Variants in ZNF430 observed in about 807,000 individuals in gnomAD.
ZNF430 encodes the protein zinc finger protein 430.
ZNF430 carries 35 observed loss-of-function variants against 56.7 expected under a neutral mutation model. The observed-to-expected ratio is 0.62, with a 90% CI of 0.47 to 0.82. The LOEUF is 0.82. ZNF430 is among the 40% of genes least tolerant of loss of function. The pLI is 0.00. For synonymous variants in ZNF430, 212 were observed against 224.3 expected (o/e 0.94, Z 0.49); for missense variants, 574 against 661.0 (o/e 0.87, Z 1.44).
chr19:21,031,815 T>C (rs977221727), intron 2 of ZNF430, among the ~76,000 whole-genome samples: 4 of 152,202 alleles, frequency 2.6e-5, no homozygotes, highest in African/African-American at 9.7e-5. Flanking sequence ...GCCATGTGTT[T>C]AGTACTTGCA....
intron 2 of ZNF430, among the ~76,000 whole-genome samples, chr19:21,028,931 AC>A (rs375452481): frequency 0.024 from 3,703 of 151,442 alleles, 76 homozygotes; most frequent in Middle Eastern, 0.079. Flanking sequence ...TGATCCGCCC[AC>A]CTCAGCCTCC....
At chr19:21,034,250 T>A in intron 4 of ZNF430, 66 bp downstream of exon 4, 6 of 1,152,144 alleles carry the variant, frequency 5.2e-6, no homozygotes, top group Non-Finnish European at 7.3e-6. Flanking sequence ...AGCCAATGCT[T>A]AAAATGTTAT....
chr19:21,041,538 T>C (rs1968102537), intron 4 of ZNF430, among the ~76,000 whole-genome samples: 1 of 152,228 alleles, frequency 6.6e-6, no homozygotes. Context: ...GGGATACATG[T>C]ACAGGATTTA....
At chr19:21,039,543 T>G in intron 4 of ZNF430, among the ~76,000 whole-genome samples, 1 of 151,766 alleles carries the variant, frequency 6.6e-6, no homozygotes, top group East Asian at 1.9e-4. Context: ...CTTGGCTCAC[T>G]GCAAACTCCG....
chr19:21,057,286 T>C lies in ZNF430; in HGVS notation c.978T>C (p.Phe326=). ...PYRCEECGRA[F]NRSSHLTTHK... ...GATGTGAAGAATGTGGCAGAGCTTT[T>C]AACCGGTCCTCACACCTTACTACAC... The change falls in exon 5 of 5, where the codon TTT becomes TTC. Residue 326 remains phenylalanine, a synonymous_variant. Coordinates refer to ENST00000261560, the MANE Select transcript of ZNF430 (RefSeq NM_025189.4). 1 of 1,613,230 alleles carries C rather than the reference T, an allele frequency of 6.2e-7. No homozygotes were observed. Among genetic ancestry groups the C allele is most frequent in the Non-Finnish European group, 8.5e-7 (1 of 1,179,862 alleles).
At chr19:21,041,322 C>T (rs556241654) in intron 4 of ZNF430, among the ~76,000 whole-genome samples, 10 of 152,098 alleles carry the variant, frequency 6.6e-5, no homozygotes, top group African/African-American at 2.4e-4. Flanking sequence ...TTTGTAGGGA[C>T]AGAATTTTGC....
rs756184790 is a variant in ZNF430, at chr19:21,059,946, G to A, written c.*1925G>A. The A allele has an allele frequency of 9.9e-5, 15 of 151,954 alleles. No individual in the cohort carries two copies. The highest frequency in any genetic ancestry group is 5.8e-4 in the East Asian group (3 of 5,182). The allele number at this position is 151,954 out of a possible 1,614,324, so 9.4% of individuals were successfully genotyped here. On this transcript the variant is annotated 3_prime_UTR_variant, in exon 5 of 5. Transcript: ENST00000261560. Reference sequence around the variant, plus strand: ...GTAGGTGTTCAGAGTAATATTTTGCGTTGTGAGAACATTTTTAATTTTATT... The same window carrying A: ...GTAGGTGTTCAGAGTAATATTTTGCATTGTGAGAACATTTTTAATTTTATT...
At chr19:21,050,260 A>G (rs903201993) in intron 4 of ZNF430, among the ~76,000 whole-genome samples, 21 of 151,710 alleles carry the variant, frequency 1.4e-4, no homozygotes, top group African/African-American at 5.1e-4. Flanking sequence ...TACATTCCAT[A>G]TTTTTCTTTT....
intron 2 of ZNF430, among the ~76,000 whole-genome samples, chr19:21,025,678 C>A (rs1371039086): frequency 1.3e-5 from 2 of 152,030 alleles, no homozygotes. Flanking sequence ...CCTCCACCTA[C>A]CAGGTTCAAG....
intron 4 of ZNF430, among the ~76,000 whole-genome samples, chr19:21,048,228 G>C (rs1242446596): frequency 1.5e-5 from 2 of 131,352 alleles, no homozygotes; most frequent in African/African-American, 2.8e-5. Context: ...GGTGTTTCTC[G>C]CAGAGGGGGA....
chr19:21,049,633 A>ATTTCGTGCAACATTTCTTGTTACG (rs1281036316), intron 4 of ZNF430: 1 of 88,328 alleles, frequency 1.1e-5, no homozygotes, highest in Admixed American at 1.3e-4. Context: ...TTCTTGTTAC[A>ATTTCGTGCAACATTTCTTGTTACG]TTTCGTGCAA....
At chr19:21,055,658 T>C (rs1164038861) in intron 4 of ZNF430, among the ~76,000 whole-genome samples, 1 of 152,178 alleles carries the variant, frequency 6.6e-6, no homozygotes, top group Admixed American at 6.5e-5. Flanking sequence ...TTCACCATGT[T>C]GGCCAGGCTG....
chr19:21,022,058 G>A (rs950075644), intron 1 of ZNF430, among the ~76,000 whole-genome samples: 4 of 151,980 alleles, frequency 2.6e-5, no homozygotes, highest in Non-Finnish European at 4.4e-5. Flanking sequence ...GGCTGGCCTC[G>A]AACTCTTGAC....
intron 4 of ZNF430, among the ~76,000 whole-genome samples, chr19:21,047,357 G>C (rs897634168): frequency 6.6e-6 from 1 of 152,080 alleles, no homozygotes; most frequent in Admixed American, 6.6e-5. Context: ...CTTAGCCACC[G>C]CCCAGTTCTG....
In ZNF430 at chr19:21,054,669, C is replaced by CTTTTTTTTTTTTTTT. The variant is rs55772412; in HGVS notation, c.323-1952_323-1938dup. Among the ~76,000 whole-genome samples the CTTTTTTTTTTTTTTT allele has an allele frequency of 5.5e-4, 36 of 65,596 alleles. 5 individuals carry two copies. Among genetic ancestry groups the CTTTTTTTTTTTTTTT allele is most frequent in the African/African-American group, 2.0e-3 (32 of 15,716 alleles). The allele number at this position is 65,596 out of a possible 152,430, so 43.0% of individuals were successfully genotyped here. A position where few individuals can be genotyped will look rare whatever the true frequency, so the allele number is the denominator to read the frequency against. ...TTTTTGAGCTTCTTCATTTTTACGT[C>CTTTTTTTTTTTTTTT]TTTTTTTTTTTTTTTTTTTTTTTTG... On this transcript the variant is annotated intron_variant, in intron 4 of 4. Coordinates refer to ENST00000261560, the MANE Select transcript of ZNF430 (RefSeq NM_025189.4).
rs760669365 is a variant in ZNF430 at position 21,056,814 on chromosome 19, T to C, written c.506T>C (p.Leu169Ser). The change falls in exon 5 of 5, where the codon TTG becomes TCG. Residue 169 changes from leucine (L) to serine (S), a missense_variant. Coordinates refer to ENST00000261560, the MANE Select transcript of ZNF430 (RefSeq NM_025189.4). ...TGTTATGATGAACTAAACCAGTGTTTGACAACTACCCAGAGTGAAATATTT... is the reference window on the plus strand; with the variant it reads ...TGTTATGATGAACTAAACCAGTGTTCGACAACTACCCAGAGTGAAATATTT... ...KECYDELNQC[L>S]TTTQSEIFQY... is the part of the protein sequence containing the mutation. 6.2e-7 allele frequency: 1 copy of C among 1,613,996 alleles called. No individual in the cohort carries two copies. Among genetic ancestry groups the C allele is most frequent in the South Asian group, 1.1e-5 (1 of 91,014 alleles).
At chr19:21,049,995 G>GCTCTGCCTCCCATTCACACCATTCTTCTA (rs760391806) in intron 4 of ZNF430, among the ~76,000 whole-genome samples, 1 of 143,484 alleles carries the variant, frequency 7.0e-6, no homozygotes, top group South Asian at 2.3e-4. Context: ...CTCGATCTCA[G>GCTCTGCCTCCCATTCACACCATTCTTCTA]CCTCAGCCTC....
chr19:21,026,955 G>A (rs545836947), intron 2 of ZNF430, among the ~76,000 whole-genome samples: 76 of 146,448 alleles, frequency 5.2e-4, no homozygotes, highest in African/African-American at 1.9e-3. Flanking sequence ...TCAGCCTCCT[G>A]AGTAGCTGGG....
intron 4 of ZNF430, among the ~76,000 whole-genome samples, chr19:21,047,849 C>T (rs567558981): frequency 6.6e-6 from 1 of 152,316 alleles, no homozygotes; most frequent in East Asian, 1.9e-4. Flanking sequence ...TAAGAAAGCA[C>T]TCTGGCTGCA....
Sources: allele counts gnomAD v4.1 joint callset (sites outside exome capture counted in the v4.1 genomes callset), GRCh38; gene constraint gnomAD v4.1.1; transcripts MANE v1.5; gene names NCBI Gene and HGNC (gene_info 2026-07-23, HGNC 2026-07-21).